The following SOX5 variants were observed in gnomAD, a reference collection of about 807,000 sequenced individuals.
SOX5 encodes the protein SRY-box transcription factor 5, also known as transcription factor SOX-5.
In SOX5, 9 loss-of-function variants were observed where a neutral mutation model predicts 92.0. The ratio of observed to expected loss-of-function variants is 0.10; its 90% CI spans 0.06 to 0.17. The LOEUF is 0.17. Ranked by LOEUF, SOX5 falls within the 10% of genes least tolerant of loss-of-function variation. The pLI, the probability that SOX5 is intolerant of heterozygous loss-of-function variation, is 1.00. For synonymous variants in SOX5, 344 were observed against 336.3 expected, an observed-to-expected ratio of 1.02 and a Z score of -0.25; for missense variants, 642 against 944.5, an observed-to-expected ratio of 0.68 and a Z score of 4.20.
intron 2 of SOX5, among the ~76,000 whole-genome samples, chr12:24,300,533 C>A (rs1947830261): frequency 6.6e-6 from 1 of 152,168 alleles, no homozygotes; most frequent in African/African-American, 2.4e-5. Context: ...TAACAGACCA[C>A]TGAAATTGTT....
chr12:24,152,390 G>C (rs923504629), intron 4 of SOX5, among the ~76,000 whole-genome samples: 4 of 152,058 alleles, frequency 2.6e-5, no homozygotes, highest in Non-Finnish European at 4.4e-5. Flanking sequence ...GTTCTTTCAT[G>C]ACCCTCAGAG....
chr12:23,732,919 A>C (rs1473069094), intron 6 of SOX5, among the ~76,000 whole-genome samples: 1 of 152,170 alleles, frequency 6.6e-6, no homozygotes, highest in East Asian at 1.9e-4. Flanking sequence ...TTCATTAAAA[A>C]ATGTTCTGAC....
intron 2 of SOX5, among the ~76,000 whole-genome samples, chr12:23,859,636 G>A (rs970492163): frequency 6.6e-6 from 1 of 152,024 alleles, no homozygotes; most frequent in Admixed American, 6.6e-5. Flanking sequence ...TGATCCCTGT[G>A]ACCTACTCTG....
chr12:24,143,685 A>G (rs190861081), intron 4 of SOX5, among the ~76,000 whole-genome samples: 18 of 152,308 alleles, frequency 1.2e-4, no homozygotes, highest in Admixed American at 3.3e-4. Context: ...TAAGTAAAAC[A>G]TAAAGAGAAA....
intron 6 of SOX5, among the ~76,000 whole-genome samples, chr12:23,698,057 T>G (rs973683013): frequency 6.6e-6 from 1 of 152,200 alleles, no homozygotes; most frequent in Non-Finnish European, 1.5e-5. Context: ...TACTCCATGA[T>G]TTACAGTACA....
intron 3 of SOX5, among the ~76,000 whole-genome samples, chr12:23,804,087 C>T (rs2095713147): frequency 6.6e-6 from 1 of 151,908 alleles, no homozygotes; most frequent in East Asian, 1.9e-4. Flanking sequence ...ATTCAATGAA[C>T]AAATATTAGG....
chr12:24,131,591 T>C (rs1164001911), intron 4 of SOX5, among the ~76,000 whole-genome samples: 1 of 152,210 alleles, frequency 6.6e-6, no homozygotes, highest in African/African-American at 2.4e-5. Context: ...GCATTAACTT[T>C]ACATATATTT....
chr12:24,169,754 T>C (rs944173868), intron 4 of SOX5, among the ~76,000 whole-genome samples: 6 of 152,198 alleles, frequency 3.9e-5, no homozygotes, highest in Non-Finnish European at 7.3e-5. Flanking sequence ...TTGAGCAAAT[T>C]ATTCCCCTCA....
At chr12:24,032,270 A>G (rs903644172) in intron 4 of SOX5, among the ~76,000 whole-genome samples, 3 of 150,796 alleles carry the variant, frequency 2.0e-5, no homozygotes, top group Non-Finnish European at 3.0e-5. Context: ...AGCCATGGTG[A>G]AAAAAAAAGG....
chr12:24,200,939 A>G (rs752902437), intron 4 of SOX5, among the ~76,000 whole-genome samples: 1 of 152,174 alleles, frequency 6.6e-6, no homozygotes, highest in Non-Finnish European at 1.5e-5. Flanking sequence ...GTTGCTGCTC[A>G]AGGTTCCTTT....
At chr12:23,590,012 G>A (rs1408528119) in intron 9 of SOX5, among the ~76,000 whole-genome samples, 1 of 152,068 alleles carries the variant, frequency 6.6e-6, no homozygotes. Context: ...GCAGTGGGGT[G>A]ACATACAATG....
upstream of SOX5, among the ~76,000 whole-genome samples, chr12:23,951,724 C>T (rs547330259): frequency 3.3e-5 from 5 of 152,052 alleles, no homozygotes; most frequent in East Asian, 9.7e-4. Flanking sequence ...AAGACACTAA[C>T]AAAACATAGA....
chr12:23,979,881 C>A (rs1949368082), intron 4 of SOX5, among the ~76,000 whole-genome samples: 1 of 103,564 alleles, frequency 9.7e-6, no homozygotes, highest in Non-Finnish European at 2.0e-5. Flanking sequence ...CCATGCCTGG[C>A]TGGCTGGCTG....
intron 10 of SOX5, among the ~76,000 whole-genome samples, chr12:23,570,923 AAAAAAAAATATATATATAT>A (rs1376286846): frequency 2.4e-4 from 10 of 42,204 alleles, no homozygotes; most frequent in East Asian, 1.2e-3. Flanking sequence ...AAAAAAAAAA[AAAAAAAAATATATATATAT>A]ATATATATAT....
intron 1 of SOX5, among the ~76,000 whole-genome samples, chr12:24,445,554 A>G (rs12423617): frequency 0.03 from 4,638 of 152,348 alleles, 104 homozygotes; most frequent in Admixed American, 0.044. Context: ...ATTTTATTAT[A>G]TCTTAGCTTG....
rs370119403 is a variant in SOX5, at chr12:23,615,789, G to C, written c.1018-11256C>G. Among the ~76,000 whole-genome samples, 18 of 152,124 alleles carry C rather than the reference G, an allele frequency of 1.2e-4. No homozygotes were observed. The East Asian group carries it at 3.3e-3, about 28-fold the overall frequency. ...AATAATGGGATTGTATTTATATCCCGTAATGTATTTTACAAATTGAGCTGC... is the reference window on the plus strand; with the variant it reads ...AATAATGGGATTGTATTTATATCCCCTAATGTATTTTACAAATTGAGCTGC... On this transcript the variant is annotated intron_variant, in intron 8 of 14. Coordinates refer to ENST00000451604, the MANE Select transcript of SOX5 (RefSeq NM_006940.6).
At chr12:23,843,025 A>T (rs185871347) in intron 3 of SOX5, among the ~76,000 whole-genome samples, 5 of 152,304 alleles carry the variant, frequency 3.3e-5, no homozygotes, top group Non-Finnish European at 7.4e-5. Flanking sequence ...TGTAACTGAC[A>T]TGAGGTGAGA....
intron 2 of SOX5, among the ~76,000 whole-genome samples, chr12:24,293,612 C>T (rs1946857869): frequency 1.3e-5 from 2 of 152,172 alleles, no homozygotes; most frequent in East Asian, 1.9e-4. Flanking sequence ...GAAGAATCTT[C>T]ACAGATTATA....
chr12:23,883,132 G>A (rs1354334976), intron 2 of SOX5, among the ~76,000 whole-genome samples: 1 of 151,392 alleles, frequency 6.6e-6, no homozygotes, highest in African/African-American at 2.4e-5. Flanking sequence ...GGTGAGCTGA[G>A]ATCGCGCCAC....
Sources: gnomAD v4.1 joint callset for allele counts (sites outside exome capture counted in the v4.1 genomes callset) on GRCh38, gnomAD v4.1.1 for gene constraint, MANE v1.5 for transcripts, NCBI Gene and HGNC (gene_info 2026-07-23, HGNC 2026-07-21) for gene names.